MNS1: variants seen among roughly 807,000 people sequenced by gnomAD.
MNS1 encodes the protein meiosis specific nuclear structural 1.
Under a neutral mutation model 72.0 loss-of-function variants are expected in MNS1, and 63 were observed. That is an observed-to-expected ratio of 0.87 (90% confidence interval 0.71 to 1.08). MNS1 has a LOEUF of 1.08. Ranked by LOEUF, MNS1 falls within the 50% of genes least tolerant of loss-of-function variation. The pLI, the probability that MNS1 is intolerant of heterozygous loss-of-function variation, is 0.00. For synonymous variants in MNS1, 188 were observed against 172.1 expected (o/e 1.09, Z -0.72); for missense variants, 604 against 562.4 (o/e 1.07, Z -0.75).
chr15:56,443,679 C>T lies in MNS1; in HGVS notation c.862G>A (p.Val288Ile). 1 of 1,613,338 alleles carries T rather than the reference C, an allele frequency of 6.2e-7. No individual in the cohort carries two copies. The highest frequency in any genetic ancestry group is 8.5e-7 in the Non-Finnish European group (1 of 1,179,706). ...AGCCTTTTCTCCTCATTTTCTTGAA[C>T]TTTTGCCATCCGATCTTCTTCTCTT... ...QQREEDRMAK[V>I]QENEEKRLQL... Residue 288 changes from valine to isoleucine, a missense_variant, in exon 6 of 10, where the codon GTT becomes ATT. Transcript: ENST00000260453.
intron 2 of MNS1, among the ~76,000 whole-genome samples, chr15:56,461,517 C>T (rs1428916503): frequency 1.3e-5 from 2 of 151,880 alleles, no homozygotes; most frequent in African/African-American, 4.8e-5. Flanking sequence ...AAAAATTAGC[C>T]TAGCATGGTG....
intron 3 of MNS1, among the ~76,000 whole-genome samples, chr15:56,451,210 A>C (rs1438282021): frequency 6.6e-6 from 1 of 152,196 alleles, no homozygotes; most frequent in African/African-American, 2.4e-5. Flanking sequence ...TTAGTTTTTC[A>C]CGTAGTCCCA....
chr15:56,458,152 T>G (rs2050992848), intron 2 of MNS1, among the ~76,000 whole-genome samples: 1 of 152,250 alleles, frequency 6.6e-6, no homozygotes, highest in Non-Finnish European at 1.5e-5. Flanking sequence ...TGTAACATTC[T>G]TGGTACATGT....
chr15:56,441,707 T>C (rs2140352159), intron 7 of MNS1, among the ~76,000 whole-genome samples: 1 of 152,078 alleles, frequency 6.6e-6, no homozygotes, highest in South Asian at 2.1e-4. Flanking sequence ...GTAAACAAAT[T>C]AACAACCCTA....
chr15:56,461,162 G>A (rs2051017662), intron 2 of MNS1, among the ~76,000 whole-genome samples: 1 of 151,876 alleles, frequency 6.6e-6, no homozygotes, highest in Non-Finnish European at 1.5e-5. Flanking sequence ...TATTAGGGAG[G>A]GCAATGTGCT....
Position 56,465,113 on chromosome 15 carries a change from G to A in MNS1, c.-141C>T. The A allele has an allele frequency of 8.8e-7, 1 of 1,139,222 alleles. No homozygotes were observed. Among genetic ancestry groups the A allele is most frequent in the South Asian group, 1.4e-5 (1 of 69,654 alleles). The allele number at this position is 1,139,222 out of a possible 1,614,324, so 70.6% of individuals were successfully genotyped here. ...GCGGCGTCTTGGCAACGGTGGAGCT[G>A]CGCGCCCTCCGCTCGACCAAAAGTG... On this transcript the variant is annotated 5_prime_UTR_variant, in exon 1 of 10. Transcript: ENST00000260453.
intron 7 of MNS1, among the ~76,000 whole-genome samples, chr15:56,436,007 A>C (rs1210567333): frequency 6.6e-6 from 1 of 152,066 alleles, no homozygotes; most frequent in Non-Finnish European, 1.5e-5. Flanking sequence ...TCAATGTAAT[A>C]TACTTGGCTA....
intron 7 of MNS1, among the ~76,000 whole-genome samples, chr15:56,436,117 C>T (rs888308749): frequency 6.6e-6 from 1 of 152,152 alleles, no homozygotes; most frequent in African/African-American, 2.4e-5. Flanking sequence ...TAATAGACAT[C>T]TACAGAACTC....
At chr15:56,443,900 T>C in intron 5 of MNS1, 46 bp from the exon 6 acceptor site, 1 of 1,344,428 alleles carries the variant, frequency 7.4e-7, no homozygotes, top group Non-Finnish European at 1.0e-6. Flanking sequence ...CAATAAAATA[T>C]AAAAAAGTAA....
rs1278264841 is a variant in MNS1 at position 56,464,093 on chromosome 15, C to T, written c.158G>A (p.Arg53His). 1 of 1,613,986 alleles carries T rather than the reference C, an allele frequency of 6.2e-7. No individual in the cohort carries two copies. The highest frequency in any genetic ancestry group is 1.7e-5 in the Admixed American group (1 of 60,002). Reference protein sequence around the residue: ...VQNENDNRVQRKQFLRLLQNE... With the variant: ...VQNENDNRVQHKQFLRLLQNE... Reference sequence around the variant, plus strand: ...TTGTAATAATCTGAGAAATTGCTTGCGCTGAACACGGTTATCATTTTCATT... The same window carrying T: ...TTGTAATAATCTGAGAAATTGCTTGTGCTGAACACGGTTATCATTTTCATT... Residue 53 changes from arginine (R) to histidine (H), a missense_variant, in exon 2 of 10, where the codon CGC becomes CAC. Coordinates refer to ENST00000260453, the MANE Select transcript of MNS1 (RefSeq NM_018365.4).
At chr15:56,463,929 T>G in intron 2 of MNS1, 97 bp downstream of exon 2, 1 of 965,314 alleles carries the variant, frequency 1.0e-6, no homozygotes. Context: ...TACCTGCTGC[T>G]GTTGTTTATC....
At chr15:56,454,819 C>T (rs1310148711) in intron 3 of MNS1, among the ~76,000 whole-genome samples, 1 of 152,128 alleles carries the variant, frequency 6.6e-6, no homozygotes, top group Non-Finnish European at 1.5e-5. Context: ...CCTTTTGTCT[C>T]TCCATGCTTT....
chr15:56,463,081 A>G lies in MNS1; in HGVS notation c.225+945T>C, dbSNP rs532996444. On this transcript the variant is annotated intron_variant, in intron 2 of 9. Coordinates refer to ENST00000260453, the MANE Select transcript of MNS1 (RefSeq NM_018365.4). ...AATGTTTAACATACAGCAGCTACTC[A>G]AAAACTACTGACATATCAGAATACC... 2.9e-3 allele frequency among the ~76,000 whole-genome samples: 435 copies of G among 152,300 alleles called. 3 individuals carry two copies. The highest frequency in any genetic ancestry group is 0.01 in the African/African-American group (419 of 41,568).
chr15:56,449,249 G>GGGA (rs1223864338), intron 3 of MNS1, among the ~76,000 whole-genome samples: 1 of 151,298 alleles, frequency 6.6e-6, no homozygotes, highest in African/African-American at 2.5e-5. Flanking sequence ...AGTGTCAGAG[G>GGGA]GGAAGTGTTT....
chr15:56,432,783 T>C (rs1470370172), intron 8 of MNS1, among the ~76,000 whole-genome samples: 1 of 152,168 alleles, frequency 6.6e-6, no homozygotes, highest in East Asian at 1.9e-4. Flanking sequence ...ATCTGAAATA[T>C]AACAGCACTT....
intron 7 of MNS1, 69 bp from the exon 8 acceptor site, chr15:56,434,464 T>C (rs2050684577): frequency 3.4e-6 from 5 of 1,457,530 alleles, no homozygotes; most frequent in East Asian, 2.3e-5. Context: ...GAAAGAGTGA[T>C]AGAGTTTGGT....
At chr15:56,439,756 AAAAAAAACCC>A (rs1470252566) in intron 7 of MNS1, among the ~76,000 whole-genome samples, 1 of 151,622 alleles carries the variant, frequency 6.6e-6, no homozygotes, top group East Asian at 1.9e-4. Context: ...AAGCATAAAA[AAAAAAAACCC>A]AAAAAAACAA....
intron 8 of MNS1, among the ~76,000 whole-genome samples, chr15:56,433,416 T>TTAAAA (rs5812836): frequency 1 from 151,800 of 151,926 alleles, 75,837 homozygotes; most frequent in Middle Eastern, 1. Context: ...ATCCTGGAAC[T>TTAAAA]TAAAAATATT....
Position 56,434,210 on chromosome 15 carries a change from C to T in MNS1, c.1197G>A (p.Met399Ile). The T allele has an allele frequency of 2.5e-6, 4 of 1,613,934 alleles. No individual in the cohort carries two copies. The highest frequency in any genetic ancestry group is 3.4e-6 in the Non-Finnish European group (4 of 1,179,892). ...IELMNAQKQR[M>I]KQLEHRRAVE... ...CAGCCCTCCTGTGTTCCAGCTGCTT[C>T]ATTCTTTGTTTCTGAGCATTCATTA... The change falls in exon 8 of 10, where the codon ATG becomes ATA. Residue 399 changes from methionine to isoleucine, a missense_variant. Physicochemically the swap from Met to Ile is conservative, Grantham distance 10. Transcript: ENST00000260453.
Sources: allele counts gnomAD v4.1 joint callset (sites outside exome capture counted in the v4.1 genomes callset), GRCh38; gene constraint gnomAD v4.1.1; transcripts MANE v1.5; gene names NCBI Gene and HGNC (gene_info 2026-07-23, HGNC 2026-07-21).